ITGA1: variants seen among roughly 807,000 people sequenced by gnomAD.
The protein encoded by ITGA1 is integrin subunit alpha 1.
Under a neutral mutation model 145.9 loss-of-function variants are expected in ITGA1, and 85 were observed. That is an observed-to-expected ratio of 0.58 (90% confidence interval 0.49 to 0.70). The LOEUF is 0.70. Among genes scored for constraint, ITGA1 ranks in the 30% least tolerant of loss-of-function variants. ITGA1 has a pLI of 0.00. For missense variants in ITGA1, 1,351 were observed against 1,418.7 expected (o/e 0.95, Z 0.77); for synonymous variants, 520 against 495.3 (o/e 1.05, Z -0.66).
intron 2 of ITGA1, among the ~76,000 whole-genome samples, chr5:52,858,916 A>T (rs1749557190): frequency 6.6e-6 from 1 of 152,132 alleles, no homozygotes; most frequent in African/African-American, 2.4e-5. Context: ...TTTTATAGAT[A>T]AAAAAACTAA....
chr5:52,907,516 G>C (rs1750430744), intron 12 of ITGA1, among the ~76,000 whole-genome samples: 1 of 152,162 alleles, frequency 6.6e-6, no homozygotes, highest in African/African-American at 2.4e-5. Context: ...TTTAAATCGT[G>C]AATGATTTCA....
In ITGA1 at chr5:52,950,941, C is replaced by T. The variant is rs1751209311; in HGVS notation, c.3496-1466C>T. Among the ~76,000 whole-genome samples, 3 of 152,094 alleles carry T rather than the reference C, an allele frequency of 2.0e-5. No homozygotes were observed. The South Asian group carries it at 6.2e-4, about 32-fold the overall frequency. ...GAATCTGGAACTTTTATACTTGGCT[C>T]ATATGAAAAAGCCTGAGACGTGTAG... On this transcript the variant is annotated intron_variant, in intron 28 of 28. Coordinates refer to ENST00000282588, the MANE Select transcript of ITGA1 (RefSeq NM_181501.2).
chr5:52,910,891 A>G (rs999673821), intron 14 of ITGA1, among the ~76,000 whole-genome samples: 1 of 137,190 alleles, frequency 7.3e-6, no homozygotes, highest in Non-Finnish European at 1.5e-5. Context: ...TATGTATACT[A>G]TATATAGTAT....
At chr5:52,943,726 G>T (rs147871229) in intron 26 of ITGA1, among the ~76,000 whole-genome samples, 6 of 152,112 alleles carry the variant, frequency 3.9e-5, no homozygotes, top group Non-Finnish European at 5.9e-5. Context: ...GCTGGCCCAC[G>T]CTGGCCCACG....
chr5:52,852,219 C>A (rs1346886962), intron 2 of ITGA1, among the ~76,000 whole-genome samples: 1 of 152,116 alleles, frequency 6.6e-6, no homozygotes, highest in Non-Finnish European at 1.5e-5. Flanking sequence ...AGGATGATGG[C>A]AGATCTTGAA....
chr5:52,847,296 CA>C (rs1749352747), intron 1 of ITGA1, among the ~76,000 whole-genome samples: 1 of 151,378 alleles, frequency 6.6e-6, no homozygotes, highest in African/African-American at 2.4e-5. Context: ...CTATTGTCGC[CA>C]AAATTTAAAG....
intron 1 of ITGA1, among the ~76,000 whole-genome samples, chr5:52,789,680 T>C (rs1050442339): frequency 3.3e-5 from 5 of 152,244 alleles, no homozygotes; most frequent in Admixed American, 6.5e-5. Flanking sequence ...CTACTGCCAC[T>C]ACTTTTTACA....
chr5:52,930,800 C>T (rs1321862998), intron 21 of ITGA1, among the ~76,000 whole-genome samples: 2 of 152,062 alleles, frequency 1.3e-5, no homozygotes, highest in Non-Finnish European at 2.9e-5. Flanking sequence ...TGAAAATAAA[C>T]AGGGAGTGTG....
chr5:52,907,161 G>C (rs1381371776), intron 12 of ITGA1, among the ~76,000 whole-genome samples: 1 of 152,130 alleles, frequency 6.6e-6, no homozygotes, highest in Non-Finnish European at 1.5e-5. Flanking sequence ...AGATTCCCAG[G>C]GCAACAGAGT....
intron 1 of ITGA1, among the ~76,000 whole-genome samples, chr5:52,830,049 T>C (rs1230705008): frequency 6.6e-6 from 1 of 152,192 alleles, no homozygotes; most frequent in East Asian, 1.9e-4. Flanking sequence ...TAATATTTTC[T>C]TCCCAAGAGT....
At chr5:52,881,802 A>T (rs935227536) in intron 6 of ITGA1, 71 bp from the exon 7 acceptor site, 1 of 1,403,800 alleles carries the variant, frequency 7.1e-7, no homozygotes, top group Non-Finnish European at 9.8e-7. Context: ...TCTGATTCAC[A>T]TGGTTAACCT....
chr5:52,810,690 A>T (rs1748671136), intron 1 of ITGA1, among the ~76,000 whole-genome samples: 1 of 152,218 alleles, frequency 6.6e-6, no homozygotes, highest in South Asian at 2.1e-4. Flanking sequence ...GTAGGTTTTC[A>T]AGAGAATGAG....
At chr5:52,806,177 A>ATGTAT (rs1295883051) in intron 1 of ITGA1, among the ~76,000 whole-genome samples, 1 of 151,236 alleles carries the variant, frequency 6.6e-6, no homozygotes, top group Non-Finnish European at 1.5e-5. Context: ...AATGTATTAT[A>ATGTAT]TGTATCTCTC....
intron 1 of ITGA1, among the ~76,000 whole-genome samples, chr5:52,793,013 T>C (rs1748271747): frequency 6.6e-6 from 1 of 152,110 alleles, no homozygotes; most frequent in African/African-American, 2.4e-5. Flanking sequence ...TAAAGTCTCC[T>C]TGGGGACTTT....
intron 6 of ITGA1, among the ~76,000 whole-genome samples, chr5:52,868,753 C>T (rs62357148): frequency 0.42 from 64,092 of 152,042 alleles, 15,138 homozygotes; most frequent in African/African-American, 0.64. Flanking sequence ...AATGAAGCAC[C>T]CTGCACAGTG....
chr5:52,881,945 G>A lies in ITGA1; in HGVS notation c.697G>A (p.Val233Ile), dbSNP rs756143381. Residue 233 changes from valine (V) to isoleucine (I), a missense_variant, in exon 7 of 29, where the codon GTA becomes ATA. Coordinates refer to ENST00000282588, the MANE Select transcript of ITGA1 (RefSeq NM_181501.2). Reference protein sequence around the residue: ...NLNKYSSTEEVLVAAKKIVQR... With the variant: ...NLNKYSSTEEILVAAKKIVQR... ...CAATAAGTATTCTTCCACCGAAGAG[G>A]TACTTGTTGCAGCAAAGAAAATAGT... 1 of 1,613,718 alleles carries A rather than the reference G, an allele frequency of 6.2e-7. No homozygotes were observed.
At chr5:52,890,124 C>G (rs1033616574) in intron 8 of ITGA1, among the ~76,000 whole-genome samples, 2 of 152,156 alleles carry the variant, frequency 1.3e-5, no homozygotes, top group African/African-American at 2.4e-5. Flanking sequence ...AGAGCTAGCT[C>G]TCTTTTTTGG....
rs769399250 is a variant in ITGA1, at chr5:52,897,447, TG to T, written c.1091-7del. The T allele has an allele frequency of 3.1e-5, 50 of 1,597,846 alleles. No individual in the cohort carries two copies. The highest frequency in any genetic ancestry group is 4.2e-5 in the Non-Finnish European group (49 of 1,166,392). On this transcript the variant is annotated splice_region_variant and splice_polypyrimidine_tract_variant and intron_variant, in intron 9 of 28. Transcript: ENST00000282588. ...ACTTATTTACAGTGATATTTTCCTATGTTATAGCCACAGCTGACCAGTCAGC... is the reference window on the plus strand; with the variant it reads ...ACTTATTTACAGTGATATTTTCCTATTTATAGCCACAGCTGACCAGTCAGC...
At chr5:52,805,310 A>G (rs1453816288) in intron 1 of ITGA1, among the ~76,000 whole-genome samples, 10 of 152,142 alleles carry the variant, frequency 6.6e-5, no homozygotes, top group African/African-American at 2.4e-4. Context: ...CACAAATACC[A>G]CTTTGGCAGC....
Sources: allele counts gnomAD v4.1 joint callset (sites outside exome capture counted in the v4.1 genomes callset), GRCh38; gene constraint gnomAD v4.1.1; transcripts MANE v1.5; gene names NCBI Gene and HGNC (gene_info 2026-07-23, HGNC 2026-07-21).